The following SDHB variants were observed in gnomAD, a reference collection of about 807,000 sequenced individuals.
SDHB encodes succinate dehydrogenase [ubiquinone] iron-sulfur subunit, mitochondrial.
Under a neutral mutation model 39.7 loss-of-function variants are expected in SDHB, and 21 were observed. The ratio of observed to expected loss-of-function variants is 0.53; its 90% confidence interval spans 0.37 to 0.76. The LOEUF is 0.76. Ranked by LOEUF, SDHB falls within the 30% of genes least tolerant of loss-of-function variation. SDHB has a pLI of 0.00. For missense variants in SDHB, 343 were observed against 350.9 expected, an observed-to-expected ratio of 0.98 and a Z score of 0.18; for synonymous variants, 118 against 117.0, an observed-to-expected ratio of 1.01 and a Z score of -0.06.
At position 17,022,678 on chromosome 1, in the gene SDHB, G is replaced by A. The variant is rs746224555; in HGVS notation, c.695C>T (p.Ala232Val). 6.2e-6 allele frequency: 10 copies of A among 1,613,964 alleles called. No individual in the cohort carries two copies. The Admixed American group carries it at 1.7e-4, about 27-fold the overall frequency. ...TAGAGAGAATGGGTCCTGCAGCTTG[G>A]CCAGGCGCTCCTCTGTGAAGTCATC... Reference protein sequence around the residue: ...SRDDFTEERLAKLQDPFSLYR... With the variant: ...SRDDFTEERLVKLQDPFSLYR... Residue 232 changes from alanine to valine, a missense_variant, in exon 7 of 8, where the codon GCC becomes GTC. By Grantham distance (64) the Ala-to-Val change is moderately conservative (BLOSUM62 0). Coordinates refer to ENST00000375499, the MANE Select transcript of SDHB (RefSeq NM_003000.3).
At chr1:17,050,592 C>T (rs1340730994) in intron 1 of SDHB, among the ~76,000 whole-genome samples, 6 of 150,552 alleles carry the variant, frequency 4.0e-5, no homozygotes, top group East Asian at 1.9e-4. Flanking sequence ...GCGGAGGGTA[C>T]GGTGAGCCAA....
intron 6 of SDHB, 141 bp downstream of exon 6, chr1:17,023,832 A>G: frequency 1.4e-6 from 1 of 711,210 alleles, no homozygotes; most frequent in East Asian, 2.7e-5. Flanking sequence ...ATACAATGCA[A>G]CCAATTACCC....
Position 17,025,899 on chromosome 1 carries a change from C to G in SDHB, c.541-1825G>C, listed in dbSNP as rs553414745. Among the ~76,000 whole-genome samples the G allele has an allele frequency of 3.7e-4, 56 of 152,294 alleles. No homozygotes were observed. The South Asian group carries it at 0.011, about 29-fold the overall frequency. On this transcript the variant is annotated intron_variant, in intron 5 of 7. Transcript: ENST00000375499. ...CTGAAACTTTTTGAGCACCAATATG[C>G]TGCTCAAAGGAAATGTTCACTGGAG...
chr1:17,034,493 G>A (rs2078039688), intron 2 of SDHB, among the ~76,000 whole-genome samples: 1 of 152,034 alleles, frequency 6.6e-6, no homozygotes, highest in South Asian at 2.1e-4. Flanking sequence ...CGATTCTCCT[G>A]CCTCAGCCTC....
At chr1:17,033,509 A>G (rs563210674) in intron 2 of SDHB, among the ~76,000 whole-genome samples, 1 of 152,288 alleles carries the variant, frequency 6.6e-6, no homozygotes, top group South Asian at 2.1e-4. Flanking sequence ...TGTAGACAAT[A>G]GTTTTAAATA....
intron 1 of SDHB, 190 bp from the exon 2 acceptor site, chr1:17,045,078 T>C (rs907475057): frequency 6.7e-6 from 4 of 599,190 alleles, no homozygotes; most frequent in Non-Finnish European, 1.2e-5. Flanking sequence ...ATATCAGACA[T>C]GGTATTAGGG....
chr1:17,022,881 A>C, intron 6 of SDHB, 151 bp from the exon 7 acceptor site: 1 of 1,007,658 alleles, frequency 9.9e-7, no homozygotes, highest in Non-Finnish European at 1.5e-6. Flanking sequence ...TCCATCTTTC[A>C]AGGAAAGGTT....
intron 1 of SDHB, among the ~76,000 whole-genome samples, chr1:17,051,991 A>C (rs1259817540): frequency 1.3e-5 from 2 of 148,516 alleles, no homozygotes; most frequent in African/African-American, 5.0e-5. Flanking sequence ...ATAGGCGCCC[A>C]CCACCACGCC....
intron 3 of SDHB, among the ~76,000 whole-genome samples, chr1:17,031,585 G>A (rs1335701404): frequency 2.6e-5 from 4 of 152,176 alleles, no homozygotes; most frequent in Non-Finnish European, 5.9e-5. Flanking sequence ...GCAGGACTCA[G>A]CCGAACTATC....
intron 1 of SDHB, among the ~76,000 whole-genome samples, chr1:17,051,461 C>A (rs11578903): frequency 0.42 from 63,826 of 151,762 alleles, 15,193 homozygotes; most frequent in Non-Finnish European, 0.54. Context: ...GATTTGGAGG[C>A]CAGAGAAGAA....
intron 3 of SDHB, among the ~76,000 whole-genome samples, chr1:17,032,009 G>A (rs2078026145): frequency 6.6e-6 from 1 of 152,088 alleles, no homozygotes; most frequent in Non-Finnish European, 1.5e-5. Flanking sequence ...ACAGAGCCGG[G>A]CACACAGTCT....
chr1:17,019,810 T>C (rs937242296), intron 7 of SDHB, among the ~76,000 whole-genome samples: 6 of 152,210 alleles, frequency 3.9e-5, no homozygotes, highest in African/African-American at 9.6e-5. Flanking sequence ...CATAGTTCAC[T>C]GTGGCCTGGA....
intron 2 of SDHB, among the ~76,000 whole-genome samples, chr1:17,034,274 G>A (rs529677797): frequency 2.0e-5 from 3 of 151,714 alleles, no homozygotes; most frequent in African/African-American, 7.3e-5. Flanking sequence ...CAGCCCCCCA[G>A]TAGCTGGGAC....
rs542128991 is a variant in SDHB at position 17,036,849 on chromosome 1, G to C, written c.201-3704C>G. On this transcript the variant is annotated intron_variant, in intron 2 of 7. Coordinates refer to ENST00000375499, the MANE Select transcript of SDHB (RefSeq NM_003000.3). ...ATTTTTTCTGTAGAGACTAAGTCTT[G>C]CTATTGTTGCCCAGGCTGGTCTCAA... Among the ~76,000 whole-genome samples the C allele has an allele frequency of 1.3e-4, 20 of 150,500 alleles. No homozygotes were observed. The East Asian group carries it at 2.9e-3, about 22-fold the overall frequency.
chr1:17,037,306 CTTTT>C (rs548300676), intron 2 of SDHB, among the ~76,000 whole-genome samples: 1 of 145,500 alleles, frequency 6.9e-6, no homozygotes, highest in Non-Finnish European at 1.5e-5. Context: ...ATTTTCTTTT[CTTTT>C]TTTTTTTTGA....
intron 3 of SDHB, 83 bp downstream of exon 3, chr1:17,032,977 A>T: frequency 9.8e-7 from 1 of 1,017,686 alleles, no homozygotes; most frequent in Non-Finnish European, 1.6e-6. Context: ...GCTGTTTTCC[A>T]GATGTCTCTA....
chr1:17,028,618 C>T lies in SDHB; in HGVS notation c.405G>A (p.Val135=), dbSNP rs2101522982. The T allele has an allele frequency of 1.2e-6, 2 of 1,614,188 alleles. No individual in the cohort carries two copies. Among genetic ancestry groups the T allele is most frequent in the Non-Finnish European group, 1.7e-6 (2 of 1,180,030 alleles). The change falls in exon 4 of 8, where the codon GTG becomes GTA. Residue 135 remains valine, a synonymous_variant. Coordinates refer to ENST00000375499, the MANE Select transcript of SDHB (RefSeq NM_003000.3). ...AACTCACGGGAACAAGATCCTTTAT[C>T]ACATACATGTGTGGAAGAGGGTAGA... ...SKIYPLPHMY[V]IKDLVPDLSN... is the part of the protein sequence containing the mutation.
intron 1 of SDHB, among the ~76,000 whole-genome samples, chr1:17,050,949 A>G (rs2078143127): frequency 6.6e-6 from 1 of 152,250 alleles, no homozygotes; most frequent in African/African-American, 2.4e-5. Flanking sequence ...TAACATCTCT[A>G]TGAAAAATGT....
intron 2 of SDHB, among the ~76,000 whole-genome samples, chr1:17,044,388 G>C (rs1482863982): frequency 4.7e-5 from 7 of 149,774 alleles, no homozygotes; most frequent in African/African-American, 1.2e-4. Context: ...GCAATGGCAT[G>C]ATCTCAGCTC....
Sources: gnomAD v4.1 joint callset for allele counts (sites outside exome capture counted in the v4.1 genomes callset) on GRCh38, gnomAD v4.1.1 for gene constraint, MANE v1.5 for transcripts, NCBI Gene and HGNC (gene_info 2026-07-23, HGNC 2026-07-21) for gene names.